EYS: variants seen among roughly 807,000 people sequenced by gnomAD.
EYS encodes EGF-like photoreceptor maintenance factor, also known as protein eyes shut homolog.
EYS carries 250 observed loss-of-function variants against 282.1 expected under a neutral mutation model. The ratio of observed to expected loss-of-function variants is 0.89; its 90% CI spans 0.80 to 0.98. EYS has a LOEUF of 0.98. Ranked by LOEUF, EYS falls within the 50% of genes least tolerant of loss-of-function variation. The pLI is 0.00. For missense variants in EYS, 4,016 were observed against 3,709.0 expected (o/e 1.08, Z -2.15); for synonymous variants, 1,355 against 1,282.9 (o/e 1.06, Z -1.20).
At chr6:63,746,918 T>C (rs971424920) in intron 41 of EYS, among the ~76,000 whole-genome samples, 33 of 152,218 alleles carry the variant, frequency 2.2e-4, no homozygotes, top group African/African-American at 8.0e-4. Context: ...GGGTTTTCTG[T>C]GTCTCTATCT....
At chr6:64,159,289 G>T (rs1330163924) in intron 31 of EYS, among the ~76,000 whole-genome samples, 1 of 151,998 alleles carries the variant, frequency 6.6e-6, no homozygotes, top group Non-Finnish European at 1.5e-5. Context: ...GGTCAGGCGC[G>T]GTGGCTCACG....
chr6:64,451,016 C>T (rs1031199830), intron 26 of EYS, among the ~76,000 whole-genome samples: 8 of 152,144 alleles, frequency 5.3e-5, no homozygotes, highest in African/African-American at 1.7e-4. Context: ...TCGAGCAGAA[C>T]TGAAGGAAAT....
chr6:65,483,779 C>T (rs1328049342), intron 5 of EYS, among the ~76,000 whole-genome samples: 1 of 152,078 alleles, frequency 6.6e-6, no homozygotes, highest in Non-Finnish European at 1.5e-5. Context: ...ACCTACAGTT[C>T]CACGTGGCTG....
intron 7 of EYS, 139 bp downstream of exon 7, chr6:65,402,339 T>A (rs946958385): frequency 1.2e-5 from 6 of 505,552 alleles, no homozygotes; most frequent in African/African-American, 2.0e-5. Flanking sequence ...GCAAAAAAAA[T>A]TTACTTTAAC....
intron 5 of EYS, among the ~76,000 whole-genome samples, chr6:65,480,773 G>T (rs1194635083): frequency 6.6e-6 from 1 of 152,008 alleles, no homozygotes; most frequent in African/African-American, 2.4e-5. Context: ...TATACTATTC[G>T]GTCATAAAAA....
At position 63,908,720 on chromosome 6, in the gene EYS, G is replaced by A. The variant is rs562364686; in HGVS notation, c.7056-44362C>T. Among the ~76,000 whole-genome samples the A allele has an allele frequency of 9.3e-4, 141 of 152,014 alleles. 1 individual carries two copies. The highest frequency in any genetic ancestry group is 2.6e-4 in the Non-Finnish European group (18 of 67,998). The stretch of plus-strand genomic sequence containing the variant: ...CCCTCCTACGCCTCCCACAGTGCTG[G>A]GATTACAGATGTTAGCCGCTGCACC... On this transcript the variant is annotated intron_variant, in intron 35 of 42. Coordinates refer to ENST00000503581, the MANE Select transcript of EYS (RefSeq NM_001142800.2).
chr6:64,271,317 T>C (rs764137255), intron 30 of EYS, among the ~76,000 whole-genome samples: 50 of 152,152 alleles, frequency 3.3e-4, no homozygotes, highest in Non-Finnish European at 5.7e-4. Context: ...TTCTATTGAG[T>C]TGTCCTACAC....
intron 36 of EYS, among the ~76,000 whole-genome samples, chr6:63,830,965 T>A (rs2149691188): frequency 6.6e-6 from 1 of 152,280 alleles, no homozygotes; most frequent in East Asian, 1.9e-4. Flanking sequence ...CCAGCCAAAC[T>A]AAGCTTCATA....
In EYS at chr6:64,017,816, T is replaced by C. The variant is rs144357849; in HGVS notation, c.6726-18633A>G. On this transcript the variant is annotated intron_variant, in intron 33 of 42. Coordinates refer to ENST00000503581, the MANE Select transcript of EYS (RefSeq NM_001142800.2). ...TGATAGACCCAACTCTCAACCTAAC[T>C]AGCTGTCTATGTTCGGGCAATTTAC... Among the ~76,000 whole-genome samples the C allele has an allele frequency of 4.3e-3, 649 of 152,334 alleles. 2 individuals carry two copies. Among genetic ancestry groups the C allele is most frequent in the South Asian group, 8.9e-3 (43 of 4,826 alleles).
At chr6:64,339,045 T>C (rs925175045) in intron 29 of EYS, among the ~76,000 whole-genome samples, 13 of 151,948 alleles carry the variant, frequency 8.6e-5, no homozygotes, top group Non-Finnish European at 1.8e-4. Context: ...GAAGATAACA[T>C]TGGAAAAACC....
At chr6:64,953,814 T>C (rs1196642387) in intron 14 of EYS, among the ~76,000 whole-genome samples, 3 of 152,038 alleles carry the variant, frequency 2.0e-5, no homozygotes, top group African/African-American at 2.4e-5. Context: ...GCAAAACTTG[T>C]AGAAAAACAC....
intron 33 of EYS, among the ~76,000 whole-genome samples, chr6:64,056,072 C>G (rs1393047549): frequency 2.0e-5 from 3 of 152,144 alleles, no homozygotes; most frequent in Non-Finnish European, 4.4e-5. Context: ...TCCAGACTCC[C>G]CTTACAGACA....
chr6:65,263,215 C>T (rs1389904951), intron 12 of EYS, among the ~76,000 whole-genome samples: 2 of 151,978 alleles, frequency 1.3e-5, no homozygotes, highest in Admixed American at 6.6e-5. Context: ...GTGGGGTGCA[C>T]TTGTAGTCCC....
At chr6:65,480,039 C>G (rs1319933102) in intron 5 of EYS, among the ~76,000 whole-genome samples, 2 of 151,316 alleles carry the variant, frequency 1.3e-5, no homozygotes, top group Non-Finnish European at 2.9e-5. Context: ...GTGGCACGTG[C>G]CTGTAGTCCC....
At chr6:64,919,570 C>T (rs2150080714) in intron 15 of EYS, among the ~76,000 whole-genome samples, 1 of 151,872 alleles carries the variant, frequency 6.6e-6, no homozygotes, top group Non-Finnish European at 1.5e-5. Context: ...TAAATTCAGA[C>T]ATATAATTTA....
At chr6:64,321,186 G>C (rs576466915) in intron 29 of EYS, among the ~76,000 whole-genome samples, 1 of 148,664 alleles carries the variant, frequency 6.7e-6, no homozygotes, top group Non-Finnish European at 1.5e-5. Flanking sequence ...CCCTCTTTTT[G>C]TTATTCAAAT....
intron 2 of EYS, among the ~76,000 whole-genome samples, chr6:65,505,267 T>C (rs1424181036): frequency 2.0e-5 from 3 of 148,868 alleles, no homozygotes; most frequent in African/African-American, 7.3e-5. Context: ...TTTGATTTAT[T>C]ATATTAATAA....
At chr6:63,999,971 G>T (rs1238797243) in intron 33 of EYS, among the ~76,000 whole-genome samples, 1 of 152,030 alleles carries the variant, frequency 6.6e-6, no homozygotes, top group Non-Finnish European at 1.5e-5. Context: ...AGTTTATTTC[G>T]TAGGGACAAT....
intron 13 of EYS, among the ~76,000 whole-genome samples, chr6:65,042,526 T>C (rs2150149976): frequency 6.6e-6 from 1 of 151,626 alleles, no homozygotes; most frequent in African/African-American, 2.4e-5. Flanking sequence ...CTTGTTGCTC[T>C]TTGGAATGCC....
Sources: gnomAD v4.1 joint callset for allele counts (sites outside exome capture counted in the v4.1 genomes callset) on GRCh38, gnomAD v4.1.1 for gene constraint, MANE v1.5 for transcripts, NCBI Gene and HGNC (gene_info 2026-07-23, HGNC 2026-07-21) for gene names.